USH2A: variants seen among roughly 807,000 people sequenced by gnomAD.
USH2A encodes usherin.
USH2A carries 443 observed loss-of-function variants against 538.9 expected under a neutral mutation model. The observed-to-expected ratio is 0.82, with a 90% CI of 0.76 to 0.89. USH2A has a LOEUF of 0.89. USH2A is among the 40% of genes least tolerant of loss of function. The probability of loss-of-function intolerance (pLI) is 0.00; values close to 1 mark genes in which losing one functional copy is unlikely to be tolerated. For synonymous variants in USH2A, 2,413 were observed against 2,273.5 expected (o/e 1.06, Z -1.75); for missense variants, 6,633 against 6,324.8 (o/e 1.05, Z -1.65).
At chr1:216,377,805 T>TA (rs1157586090) in intron 3 of USH2A, among the ~76,000 whole-genome samples, 1 of 9,050 alleles carries the variant, frequency 1.1e-4, no homozygotes, top group African/African-American at 2.8e-4. Context: ...AGGAAAGAAA[T>TA]AAAAAGAAAG....
chr1:215,799,956 G>A (rs569641932), intron 49 of USH2A, among the ~76,000 whole-genome samples: 16 of 152,162 alleles, frequency 1.1e-4, no homozygotes, highest in African/African-American at 3.6e-4. Context: ...TTGTTTCACT[G>A]CACTCCAGCC....
At chr1:216,336,581 A>G (rs1481838593) in intron 4 of USH2A, among the ~76,000 whole-genome samples, 1 of 151,548 alleles carries the variant, frequency 6.6e-6, no homozygotes, top group African/African-American at 2.4e-5. Flanking sequence ...TACCTACTGC[A>G]TTTCAGTAGC....
intron 41 of USH2A, among the ~76,000 whole-genome samples, chr1:215,883,851 T>G (rs940452960): frequency 2.0e-5 from 3 of 152,200 alleles, no homozygotes; most frequent in African/African-American, 7.2e-5. Flanking sequence ...TTCCACAATT[T>G]TCTATAATAT....
At chr1:216,093,774 T>C (rs1427198905) in intron 22 of USH2A, among the ~76,000 whole-genome samples, 4 of 152,204 alleles carry the variant, frequency 2.6e-5, no homozygotes, top group Admixed American at 6.5e-5. Context: ...AGAATTCCAA[T>C]GAGTGTCATT....
At chr1:216,063,036 T>G (rs566881365) in intron 30 of USH2A, among the ~76,000 whole-genome samples, 2 of 152,346 alleles carry the variant, frequency 1.3e-5, no homozygotes, top group Non-Finnish European at 2.9e-5. Context: ...AATATGACTC[T>G]AACAACCAAA....
intron 64 of USH2A, among the ~76,000 whole-genome samples, chr1:215,666,558 G>T (rs140643127): frequency 1.2e-3 from 178 of 152,198 alleles, no homozygotes; most frequent in African/African-American, 4.1e-3. Context: ...CTTTTGAATC[G>T]CAGGGATTCC....
At chr1:215,964,917 T>A (rs1667299797) in intron 37 of USH2A, among the ~76,000 whole-genome samples, 1 of 152,170 alleles carries the variant, frequency 6.6e-6, no homozygotes, top group African/African-American at 2.4e-5. Flanking sequence ...GACTGCAAAA[T>A]TATAGTTCAA....
chr1:215,649,749 G>A (rs1656990878), intron 65 of USH2A, among the ~76,000 whole-genome samples: 1 of 152,076 alleles, frequency 6.6e-6, no homozygotes, highest in Non-Finnish European at 1.5e-5. Context: ...CCTAAATAAT[G>A]CATAGTGTAA....
intron 37 of USH2A, among the ~76,000 whole-genome samples, chr1:215,959,036 C>G (rs1203133315): frequency 6.6e-6 from 1 of 152,096 alleles, no homozygotes; most frequent in Non-Finnish European, 1.5e-5. Flanking sequence ...GACTCACCAC[C>G]CGGATCTCCT....
chr1:215,985,031 T>C (rs1304585907), intron 35 of USH2A, among the ~76,000 whole-genome samples: 3 of 152,170 alleles, frequency 2.0e-5, no homozygotes, highest in Admixed American at 1.3e-4. Context: ...CCTGACAAAC[T>C]GACTGGAGGT....
chr1:216,087,321 A>T (rs1235572435), intron 23 of USH2A, among the ~76,000 whole-genome samples: 1 of 151,526 alleles, frequency 6.6e-6, no homozygotes, highest in Non-Finnish European at 1.5e-5. Context: ...CTGACTTCAG[A>T]ACTAGACTTG....
intron 61 of USH2A, among the ~76,000 whole-genome samples, chr1:215,702,318 A>C (rs1659052483): frequency 6.6e-6 from 1 of 151,638 alleles, no homozygotes; most frequent in Non-Finnish European, 1.5e-5. Flanking sequence ...CTTCTTGAGG[A>C]GTATCTTTGT....
At chr1:215,929,655 G>T (rs917536227) in intron 38 of USH2A, among the ~76,000 whole-genome samples, 1 of 152,014 alleles carries the variant, frequency 6.6e-6, no homozygotes, top group African/African-American at 2.4e-5. Flanking sequence ...ACCAAGACAG[G>T]CAATGCGCTA....
At chr1:216,368,943 C>T (rs2038650482) in intron 3 of USH2A, among the ~76,000 whole-genome samples, 1 of 152,112 alleles carries the variant, frequency 6.6e-6, no homozygotes, top group African/African-American at 2.4e-5. Context: ...TAACACCTTT[C>T]TAATAGATTA....
rs765554595 is a variant in USH2A, at chr1:216,072,993, A to G, written c.5777-24T>C. 9 of 1,613,440 alleles carry G rather than the reference A, an allele frequency of 5.6e-6. No individual in the cohort carries two copies. In the South Asian group the frequency reaches 9.9e-5, roughly 18 times the overall value. On this transcript the variant is annotated intron_variant, in intron 28 of 71. Coordinates refer to ENST00000307340, the MANE Select transcript of USH2A (RefSeq NM_206933.4). ...TTCTTAAATGGAAATAAGATGCAGC[A>G]AGATTAAAATAATACTCATATAGAT...
intron 9 of USH2A, among the ~76,000 whole-genome samples, chr1:216,293,119 G>A (rs888985188): frequency 1.3e-5 from 2 of 151,408 alleles, no homozygotes; most frequent in Non-Finnish European, 2.9e-5. Flanking sequence ...CCGCCTCACG[G>A]GTTCAAGCGA....
chr1:216,287,045 A>C (rs1043179016), intron 11 of USH2A, among the ~76,000 whole-genome samples: 1 of 152,216 alleles, frequency 6.6e-6, no homozygotes, highest in Admixed American at 6.5e-5. Context: ...AATCCTTAGC[A>C]AAATTTTAGC....
chr1:215,728,021 G>A lies in USH2A; in HGVS notation c.12066+9C>T. The A allele has an allele frequency of 6.2e-7, 1 of 1,613,398 alleles. No individual in the cohort carries two copies. Among genetic ancestry groups the A allele is most frequent in the Non-Finnish European group, 8.5e-7 (1 of 1,179,648 alleles). Reference sequence around the variant, plus strand: ...TCTGCATGTCTGTTACTTTTCTAAAGGGTCTTACCTTCACTGTGAAAGCAT... The same window carrying A: ...TCTGCATGTCTGTTACTTTTCTAAAAGGTCTTACCTTCACTGTGAAAGCAT... On this transcript the variant is annotated intron_variant, in intron 61 of 71. Transcript: ENST00000307340.
chr1:216,117,092 T>C (rs1299637434), intron 21 of USH2A, among the ~76,000 whole-genome samples: 1 of 152,162 alleles, frequency 6.6e-6, no homozygotes, highest in Non-Finnish European at 1.5e-5. Context: ...AGAAGTCTGT[T>C]GGCTGCCTAG....
Sources: allele counts gnomAD v4.1 joint callset (sites outside exome capture counted in the v4.1 genomes callset), GRCh38; gene constraint gnomAD v4.1.1; transcripts MANE v1.5; gene names NCBI Gene and HGNC (gene_info 2026-07-23, HGNC 2026-07-21).